PPARGC1A: variants seen among roughly 807,000 people sequenced by gnomAD.
The protein encoded by PPARGC1A is PPARG coactivator 1 alpha, also known as peroxisome proliferator-activated receptor gamma coactivator 1-alpha.
In PPARGC1A, 25 loss-of-function variants were observed where a neutral mutation model predicts 88.7. The observed-to-expected ratio is 0.28, with a 90% CI of 0.21 to 0.39. The LOEUF (loss-of-function observed/expected upper bound fraction) is 0.39. Ranked by LOEUF, PPARGC1A falls within the 10% of genes least tolerant of loss-of-function variation. The pLI is 1.00. For missense variants in PPARGC1A, 880 were observed against 968.7 expected (o/e 0.91, Z 1.22); for synonymous variants, 363 against 355.6 (o/e 1.02, Z -0.24).
chr4:24,227,617 G>C, the PPARGC1A span, among the ~76,000 whole-genome samples: 5 of 152,142 alleles, frequency 3.3e-5, no homozygotes, highest in African/African-American at 4.8e-5. Flanking sequence ...AATCATTGTA[G>C]GTATTTTAGA....
In PPARGC1A at chr4:23,877,559, A is replaced by G. The variant is rs1403817336; in HGVS notation, c.234+7193T>C. On this transcript the variant is annotated intron_variant, in intron 2 of 12. Coordinates refer to ENST00000264867, the MANE Select transcript of PPARGC1A (RefSeq NM_013261.5). The stretch of plus-strand genomic sequence containing the variant: ...TCTCAAAAAAAAAAAAAAAAAAAAA[A>G]AAAAAGTTAAAAGGAACCTGAGAGG... 2.7e-5 allele frequency: 4 copies of G among 149,546 alleles called. No homozygotes were observed. In the East Asian group the frequency reaches 8.0e-4, roughly 30 times the overall value. 9.3% of individuals were successfully genotyped at this position (149,546 alleles called of 1,614,324 possible).
At chr4:24,011,649 G>C in the PPARGC1A span, among the ~76,000 whole-genome samples, 1 of 152,022 alleles carries the variant, frequency 6.6e-6, no homozygotes, top group African/African-American at 2.4e-5. Flanking sequence ...ACAACTAAAT[G>C]CTCCAGCTCT....
At chr4:23,822,564 T>C (rs1173754518) in intron 7 of PPARGC1A, among the ~76,000 whole-genome samples, 1 of 152,090 alleles carries the variant, frequency 6.6e-6, no homozygotes, top group Non-Finnish European at 1.5e-5. Context: ...TTTTCTCCCT[T>C]TGTGATTCTT....
intron 1 of PPARGC1A, among the ~76,000 whole-genome samples, chr4:23,896,287 T>C (rs1281001690): frequency 7.2e-5 from 11 of 152,160 alleles, no homozygotes; most frequent in Admixed American, 7.2e-4. Context: ...ATGACTTTTA[T>C]ATTCAGAAGA....
chr4:24,272,677 C>T, the PPARGC1A span, among the ~76,000 whole-genome samples: 3 of 152,200 alleles, frequency 2.0e-5, no homozygotes, highest in Non-Finnish European at 4.4e-5. Flanking sequence ...GGAAGAACCC[C>T]CAACGTCATC....
At chr4:24,328,772 C>T in the PPARGC1A span, among the ~76,000 whole-genome samples, 15 of 152,280 alleles carry the variant, frequency 9.9e-5, no homozygotes, top group South Asian at 4.1e-4. Context: ...TTGCTTTAAA[C>T]GGTCTGATTC....
At chr4:23,837,881 C>A (rs1344000750) in intron 2 of PPARGC1A, among the ~76,000 whole-genome samples, 1 of 152,126 alleles carries the variant, frequency 6.6e-6, no homozygotes, top group Non-Finnish European at 1.5e-5. Context: ...AACCTTGTAC[C>A]TGTTTCATGC....
the PPARGC1A span, among the ~76,000 whole-genome samples, chr4:24,309,389 G>A: frequency 6.6e-6 from 1 of 152,152 alleles, no homozygotes; most frequent in African/African-American, 2.4e-5. Context: ...ATTGGAACCT[G>A]TTCAACATCA....
chr4:23,811,886 T>C (rs562134644), intron 10 of PPARGC1A, among the ~76,000 whole-genome samples: 128 of 127,030 alleles, frequency 1.0e-3, no homozygotes, highest in African/African-American at 3.8e-3. Flanking sequence ...GCAGAAGAAA[T>C]GACTTTTTTT....
At chr4:23,913,612 A>G in the PPARGC1A span, among the ~76,000 whole-genome samples, 1 of 152,194 alleles carries the variant, frequency 6.6e-6, no homozygotes, top group African/African-American at 2.4e-5. Flanking sequence ...GGAGATATTT[A>G]CAACATAAGC....
At chr4:24,397,193 A>G in the PPARGC1A span, among the ~76,000 whole-genome samples, 1 of 152,326 alleles carries the variant, frequency 6.6e-6, no homozygotes, top group South Asian at 2.1e-4. Flanking sequence ...GCAATCTTAA[A>G]TGACTGACAA....
At chr4:24,411,379 T>TTAGGG in the PPARGC1A span, among the ~76,000 whole-genome samples, 2 of 152,224 alleles carry the variant, frequency 1.3e-5, no homozygotes, top group Non-Finnish European at 2.9e-5. Flanking sequence ...TAGAGATGTT[T>TTAGGG]TAGGGTCACA....
rs1717007707 is a variant in PPARGC1A, at chr4:23,793,527, C to T, written c.*2295G>A. The T allele has an allele frequency of 6.6e-6, 1 of 152,352 alleles. No homozygotes were observed. Among genetic ancestry groups the T allele is most frequent in the Non-Finnish European group, 1.5e-5 (1 of 67,998 alleles). 9.4% of individuals were successfully genotyped at this position (152,352 alleles called of 1,614,324 possible). A position where few individuals can be genotyped will look rare whatever the true frequency, so the allele number is the denominator to read the frequency against. ...GGGGGTGAAATCCATCTTACAAGAT[C>T]GTGTTGGGCGAGAGAAAGGAAAAGA... On this transcript the variant is annotated 3_prime_UTR_variant, in exon 13 of 13. Transcript: ENST00000264867.
the PPARGC1A span, among the ~76,000 whole-genome samples, chr4:23,998,447 C>A: frequency 6.6e-6 from 1 of 151,608 alleles, no homozygotes; most frequent in African/African-American, 2.4e-5. Flanking sequence ...TTTTTTTAGC[C>A]ATCATGTTTC....
Position 23,814,034 on chromosome 4 carries a change from T to A in PPARGC1A, c.1449A>T (p.Glu483Asp). The A allele has an allele frequency of 6.2e-7, 1 of 1,614,106 alleles. No homozygotes were observed. The change falls in exon 8 of 13, where the codon GAA (glutamate) becomes GAT (aspartate). Residue 483 changes from glutamate to aspartate, a missense_variant. Glu to Asp is a conservative substitution (Grantham distance 45). Coordinates refer to ENST00000264867, the MANE Select transcript of PPARGC1A (RefSeq NM_013261.5). The stretch of plus-strand genomic sequence containing the variant: ...CATTACTGAAATCACTGTCCCTCAG[T>A]TCACCGGTCTTGTCTGCTTCGTCGT... ...VFDDEADKTG[E>D]LRDSDFSNEQ... is the part of the protein sequence containing the mutation.
chr4:24,251,630 C>T, the PPARGC1A span, among the ~76,000 whole-genome samples: 1 of 152,186 alleles, frequency 6.6e-6, no homozygotes, highest in Non-Finnish European at 1.5e-5. Context: ...TCTTACTGCC[C>T]TGTGCTCAGT....
chr4:24,447,442 G>A, the PPARGC1A span, among the ~76,000 whole-genome samples: 2 of 152,192 alleles, frequency 1.3e-5, no homozygotes, highest in Non-Finnish European at 2.9e-5. Context: ...GTGGAAACAG[G>A]GCTGGCAGCC....
the PPARGC1A span, among the ~76,000 whole-genome samples, chr4:24,211,900 A>G: frequency 6.6e-6 from 1 of 152,162 alleles, no homozygotes; most frequent in African/African-American, 2.4e-5. Context: ...GCTATTTCCT[A>G]CTGTTTCATC....
At chr4:23,991,252 T>C in the PPARGC1A span, among the ~76,000 whole-genome samples, 2 of 151,960 alleles carry the variant, frequency 1.3e-5, no homozygotes, top group Non-Finnish European at 2.9e-5. Flanking sequence ...GATGTAAAAG[T>C]CCAATGAAAG....
Sources: allele counts gnomAD v4.1 joint callset (sites outside exome capture counted in the v4.1 genomes callset), GRCh38; gene constraint gnomAD v4.1.1; transcripts MANE v1.5; gene names NCBI Gene and HGNC (gene_info 2026-07-23, HGNC 2026-07-21).